Variants in ANGPT1 observed in about 807,000 individuals in gnomAD.
The protein encoded by ANGPT1 is angiopoietin 1, also known as angiopoietin-1.
In ANGPT1, 17 loss-of-function variants were observed where a neutral mutation model predicts 62.2. That is an observed-to-expected ratio of 0.27 (90% confidence interval 0.19 to 0.41). The LOEUF (loss-of-function observed/expected upper bound fraction) is 0.41, where lower values mean the gene tolerates loss of function less well. Among genes scored for constraint, ANGPT1 ranks in the 10% least tolerant of loss-of-function variants. ANGPT1 has a pLI of 1.00. For synonymous variants in ANGPT1, 199 were observed against 198.9 expected, an observed-to-expected ratio of 1.00 and a Z score of 0.00; for missense variants, 478 against 594.9, an observed-to-expected ratio of 0.80 and a Z score of 2.04.
chr8:107,272,025 T>C (rs7012515), intron 7 of ANGPT1, among the ~76,000 whole-genome samples: 5,903 of 152,084 alleles, frequency 0.039, 348 homozygotes, highest in African/African-American at 0.13. Context: ...TGGTGTCATT[T>C]GTTTTAACAG....
At chr8:107,407,820 TC>T (rs1204274745) in intron 1 of ANGPT1, among the ~76,000 whole-genome samples, 1 of 152,112 alleles carries the variant, frequency 6.6e-6, no homozygotes, top group African/African-American at 2.4e-5. Flanking sequence ...AGGGAGAAGA[TC>T]ATCAGTCAAT....
intron 1 of ANGPT1, among the ~76,000 whole-genome samples, chr8:107,441,778 T>A (rs1034308811): frequency 2.0e-5 from 3 of 152,052 alleles, no homozygotes; most frequent in Non-Finnish European, 4.4e-5. Context: ...AGAAGTCAGG[T>A]CTTTGCAGAT....
At chr8:107,443,333 A>C (rs564627062) in intron 1 of ANGPT1, among the ~76,000 whole-genome samples, 3 of 152,100 alleles carry the variant, frequency 2.0e-5, no homozygotes, top group Admixed American at 2.0e-4. Flanking sequence ...CCCAGGTTCC[A>C]CTCCTGGTTC....
chr8:107,379,514 A>G (rs905680247), intron 1 of ANGPT1, among the ~76,000 whole-genome samples: 1 of 151,586 alleles, frequency 6.6e-6, no homozygotes, highest in Admixed American at 6.6e-5. Context: ...CAGTCCGCCA[A>G]TTTTATAGAT....
intron 1 of ANGPT1, among the ~76,000 whole-genome samples, chr8:107,449,527 G>A (rs1051093813): frequency 1.3e-5 from 2 of 151,866 alleles, no homozygotes; most frequent in African/African-American, 2.4e-5. Context: ...GATGGAACAG[G>A]TAATTACCAG....
intron 1 of ANGPT1, among the ~76,000 whole-genome samples, chr8:107,485,576 G>A (rs1432468213): frequency 6.6e-6 from 1 of 152,124 alleles, no homozygotes; most frequent in Admixed American, 6.5e-5. Context: ...TTCTTGGCTT[G>A]GGCCCAAAAT....
In ANGPT1 at chr8:107,423,578, C is replaced by A. The variant is rs532038928; in HGVS notation, c.297+73684G>T. On this transcript the variant is annotated intron_variant, in intron 1 of 8. Coordinates refer to ENST00000517746, the MANE Select transcript of ANGPT1 (RefSeq NM_001146.5). ...TCCTGCTTTCCTCCCTCTGAGAACA[C>A]CCCCCGACTCCTCCTCACTCCCTGC... 6.3e-4 allele frequency among the ~76,000 whole-genome samples: 95 copies of A among 150,748 alleles called. No individual in the cohort carries two copies. In the South Asian group the frequency reaches 0.01, roughly 16 times the overall value.
chr8:107,439,119 GTCAC>G (rs938965135), intron 1 of ANGPT1, among the ~76,000 whole-genome samples: 54 of 152,226 alleles, frequency 3.5e-4, no homozygotes, highest in Admixed American at 3.1e-3. Flanking sequence ...ATACATATTA[GTCAC>G]TCAGACTTAT....
intron 1 of ANGPT1, among the ~76,000 whole-genome samples, chr8:107,412,903 A>C (rs534732500): frequency 2.6e-5 from 4 of 152,282 alleles, no homozygotes; most frequent in South Asian, 4.1e-4. Context: ...GAATGAATAA[A>C]CAAATGGATA....
intron 1 of ANGPT1, among the ~76,000 whole-genome samples, chr8:107,378,352 C>A (rs948186646): frequency 6.6e-6 from 1 of 152,156 alleles, no homozygotes; most frequent in East Asian, 1.9e-4. Flanking sequence ...ATATTACCAA[C>A]TCTCAAATCT....
intron 1 of ANGPT1, among the ~76,000 whole-genome samples, chr8:107,486,605 A>T (rs1301600928): frequency 3.3e-5 from 5 of 152,178 alleles, no homozygotes; most frequent in Non-Finnish European, 7.3e-5. Flanking sequence ...TATGTGTATT[A>T]TGCTTGCACT....
At chr8:107,414,408 T>A (rs1315819044) in intron 1 of ANGPT1, among the ~76,000 whole-genome samples, 1 of 152,224 alleles carries the variant, frequency 6.6e-6, no homozygotes, top group Non-Finnish European at 1.5e-5. Flanking sequence ...GGTCATTCCA[T>A]GATGTACACA....
At chr8:107,472,796 T>C (rs1471676495) in intron 1 of ANGPT1, among the ~76,000 whole-genome samples, 1 of 151,872 alleles carries the variant, frequency 6.6e-6, no homozygotes, top group Non-Finnish European at 1.5e-5. Context: ...CACACATACA[T>C]ATAAGAACAT....
intron 3 of ANGPT1, among the ~76,000 whole-genome samples, chr8:107,328,791 GA>G (rs1342791049): frequency 5.3e-5 from 8 of 151,894 alleles, no homozygotes; most frequent in African/African-American, 1.9e-4. Flanking sequence ...AAAGTTTTGG[GA>G]AATTTGAAAG....
chr8:107,398,498 CTATTTT>C (rs1816980346), intron 1 of ANGPT1, among the ~76,000 whole-genome samples: 1 of 88,994 alleles, frequency 1.1e-5, no homozygotes, highest in African/African-American at 4.7e-5. Context: ...TTTTTCTTTT[CTATTTT>C]TTTTTTTTTT....
chr8:107,334,025 G>GGAAGGAAGGAAGGAAA, intron 3 of ANGPT1, among the ~76,000 whole-genome samples: 1 of 149,878 alleles, frequency 6.7e-6, no homozygotes, highest in East Asian at 2.0e-4. Flanking sequence ...AAGGAAGGAA[G>GGAAGGAAGGAAGGAAA]GAAGGAAGGA....
At chr8:107,304,801 C>T (rs1814676041) in intron 4 of ANGPT1, among the ~76,000 whole-genome samples, 1 of 151,784 alleles carries the variant, frequency 6.6e-6, no homozygotes, top group African/African-American at 2.4e-5. Flanking sequence ...TTCTATGTAG[C>T]TCAAGTCTGC....
intron 1 of ANGPT1, among the ~76,000 whole-genome samples, chr8:107,407,288 C>G (rs1384170102): frequency 6.7e-6 from 1 of 149,672 alleles, no homozygotes; most frequent in African/African-American, 2.5e-5. Context: ...TTGTAAATTG[C>G]TGGCAGCCCT....
chr8:107,387,675 A>T (rs893146919), intron 1 of ANGPT1, among the ~76,000 whole-genome samples: 3 of 151,980 alleles, frequency 2.0e-5, no homozygotes, highest in Non-Finnish European at 4.4e-5. Flanking sequence ...GGATAAACCG[A>T]AAAAAGCTTT....
Sources: gnomAD v4.1 joint callset for allele counts (sites outside exome capture counted in the v4.1 genomes callset) on GRCh38, gnomAD v4.1.1 for gene constraint, MANE v1.5 for transcripts, NCBI Gene and HGNC (gene_info 2026-07-23, HGNC 2026-07-21) for gene names.